The following SLC2A9 variants were observed in gnomAD, a reference collection of about 807,000 sequenced individuals.
SLC2A9 encodes the protein solute carrier family 2, facilitated glucose transporter member 9.
SLC2A9 carries 39 observed loss-of-function variants against 50.6 expected under a neutral mutation model. The observed-to-expected ratio is 0.77, with a 90% CI of 0.60 to 1.01. SLC2A9 has a LOEUF of 1.01. SLC2A9 is among the 50% of genes least tolerant of loss of function. SLC2A9 has a pLI of 0.00. For missense variants in SLC2A9, 686 were observed against 677.6 expected (o/e 1.01, Z -0.14); for synonymous variants, 324 against 276.9 (o/e 1.17, Z -1.69).
chr4:9,976,403 A>G (rs1754809221), intron 5 of SLC2A9, among the ~76,000 whole-genome samples: 1 of 152,188 alleles, frequency 6.6e-6, no homozygotes, highest in Admixed American at 6.5e-5. Context: ...GTAAATGGGA[A>G]ATATGATTAA....
At chr4:9,893,192 C>T (rs972635318) in intron 8 of SLC2A9, among the ~76,000 whole-genome samples, 1 of 152,134 alleles carries the variant, frequency 6.6e-6, no homozygotes, top group Admixed American at 6.5e-5. Flanking sequence ...CGGACCCGAA[C>T]AAGGGCACTG....
intron 5 of SLC2A9, among the ~76,000 whole-genome samples, chr4:9,942,990 G>A (rs1314198073): frequency 6.6e-6 from 1 of 152,214 alleles, no homozygotes; most frequent in East Asian, 1.9e-4. Flanking sequence ...ATGATAGGCA[G>A]AGGTTCTGTT....
chr4:9,834,393 C>T (rs969635871), intron 11 of SLC2A9, among the ~76,000 whole-genome samples: 1 of 152,138 alleles, frequency 6.6e-6, no homozygotes, highest in Non-Finnish European at 1.5e-5. Flanking sequence ...CCTTTCCCTA[C>T]CCAAAAAGAC....
At chr4:9,889,841 C>T (rs1278175135) in intron 9 of SLC2A9, among the ~76,000 whole-genome samples, 2 of 152,244 alleles carry the variant, frequency 1.3e-5, no homozygotes, top group Non-Finnish European at 2.9e-5. Context: ...CTGAGCCATG[C>T]AGGGGGCAGA....
chr4:9,823,177 C>T (rs777937530), downstream of SLC2A9, among the ~76,000 whole-genome samples: 1 of 152,128 alleles, frequency 6.6e-6, no homozygotes, highest in East Asian at 1.9e-4. Context: ...GAAATATAAA[C>T]CTCCATGGCT....
Position 9,986,879 on chromosome 4 carries a change from A to G in SLC2A9, c.411-1086T>C, listed in dbSNP as rs1366962616. Among the ~76,000 whole-genome samples, 6 of 152,090 alleles carry G rather than the reference A, an allele frequency of 3.9e-5. No homozygotes were observed. In the East Asian group the frequency reaches 1.2e-3, roughly 29 times the overall value. On this transcript the variant is annotated intron_variant, in intron 3 of 11. Coordinates refer to ENST00000264784, the MANE Select transcript of SLC2A9 (RefSeq NM_020041.3). ...GGACCTGGATTCCTGCACCAGCTCT[A>G]TCCTTCAGGAGCTAGGAGACTTTGA...
chr4:9,979,827 G>A (rs1370508880), intron 5 of SLC2A9, among the ~76,000 whole-genome samples: 1 of 152,000 alleles, frequency 6.6e-6, no homozygotes, highest in East Asian at 1.9e-4. Context: ...TTTCTCCTCA[G>A]CCCCACAGCC....
At chr4:9,812,649 G>A (rs1418346100) in intron 3 of SLC2A9, among the ~76,000 whole-genome samples, 1 of 152,114 alleles carries the variant, frequency 6.6e-6, no homozygotes, top group Non-Finnish European at 1.5e-5. Flanking sequence ...AGGTAGCTGA[G>A]AAGTGCCACA....
At chr4:9,956,033 AT>A (rs1359786883) in intron 5 of SLC2A9, among the ~76,000 whole-genome samples, 2 of 151,424 alleles carry the variant, frequency 1.3e-5, no homozygotes, top group Non-Finnish European at 2.9e-5. Flanking sequence ...ACCCACCACC[AT>A]GCCCGGCTAA....
chr4:10,008,078 T>G (rs1414603415), intron 2 of SLC2A9, among the ~76,000 whole-genome samples: 1 of 152,258 alleles, frequency 6.6e-6, no homozygotes, highest in Non-Finnish European at 1.5e-5. Flanking sequence ...ACCTCCCATC[T>G]TGCTGGATCA....
At chr4:9,811,158 G>A (rs1164730741) in intron 3 of SLC2A9, among the ~76,000 whole-genome samples, 1 of 152,184 alleles carries the variant, frequency 6.6e-6, no homozygotes, top group Non-Finnish European at 1.5e-5. Flanking sequence ...CAAATGACCT[G>A]AATAGGGCCA....
At chr4:9,994,946 C>T (rs1417249571) in intron 3 of SLC2A9, among the ~76,000 whole-genome samples, 1 of 152,140 alleles carries the variant, frequency 6.6e-6, no homozygotes, top group Non-Finnish European at 1.5e-5. Context: ...GACCATGCCT[C>T]AGGGACCCTG....
chr4:10,014,124 G>C (rs2109467853), intron 2 of SLC2A9, among the ~76,000 whole-genome samples: 1 of 152,298 alleles, frequency 6.6e-6, no homozygotes, highest in East Asian at 1.9e-4. Flanking sequence ...GCCTGTGTTA[G>C]ATTCCATTCC....
At chr4:10,008,043 C>G (rs759980581) in intron 2 of SLC2A9, among the ~76,000 whole-genome samples, 7 of 152,186 alleles carry the variant, frequency 4.6e-5, no homozygotes, top group Non-Finnish European at 1.0e-4. Flanking sequence ...CTGTGCAACT[C>G]CAACACAGCC....
At chr4:9,903,825 T>C (rs962494158) in intron 8 of SLC2A9, among the ~76,000 whole-genome samples, 1 of 147,754 alleles carries the variant, frequency 6.8e-6, no homozygotes, top group Non-Finnish European at 1.5e-5. Context: ...AGATATATAA[T>C]ATATTTTGTA....
At chr4:9,900,029 T>C (rs960933123) in intron 8 of SLC2A9, among the ~76,000 whole-genome samples, 8 of 152,164 alleles carry the variant, frequency 5.3e-5, no homozygotes, top group Non-Finnish European at 7.3e-5. Context: ...TGAGGATACA[T>C]TCATATTGTT....
chr4:9,947,360 G>A (rs533300039), intron 5 of SLC2A9, among the ~76,000 whole-genome samples: 2 of 152,252 alleles, frequency 1.3e-5, no homozygotes, highest in East Asian at 3.9e-4. Context: ...CAGGGTCAAG[G>A]CTGCTCTGCA....
At chr4:9,896,043 T>C (rs549255427) in intron 8 of SLC2A9, among the ~76,000 whole-genome samples, 4 of 152,356 alleles carry the variant, frequency 2.6e-5, no homozygotes, top group Admixed American at 2.6e-4. Context: ...TGTTTCCAAT[T>C]TTCAGCTCTG....
chr4:9,789,702 C>T (rs1719664357), intron 3 of SLC2A9, among the ~76,000 whole-genome samples: 1 of 152,244 alleles, frequency 6.6e-6, no homozygotes, highest in African/African-American at 2.4e-5. Flanking sequence ...CTCACAAGAG[C>T]AGGCAGAGCC....
Sources: allele counts gnomAD v4.1 joint callset (sites outside exome capture counted in the v4.1 genomes callset), GRCh38; gene constraint gnomAD v4.1.1; transcripts MANE v1.5; gene names NCBI Gene and HGNC (gene_info 2026-07-23, HGNC 2026-07-21).